Variants in DPYD observed in about 807,000 individuals in gnomAD.
The protein encoded by DPYD is dihydropyrimidine dehydrogenase.
In DPYD, 109 loss-of-function variants were observed where a neutral mutation model predicts 116.2. The observed-to-expected ratio is 0.94, with a 90% CI of 0.80 to 1.10. The LOEUF (loss-of-function observed/expected upper bound fraction) is 1.10. Among genes scored for constraint, DPYD ranks in the 50% least tolerant of loss-of-function variants. DPYD has a pLI of 0.00. For synonymous variants in DPYD, 440 were observed against 432.0 expected, an observed-to-expected ratio of 1.02 and a Z score of -0.23; for missense variants, 1,302 against 1,254.5, an observed-to-expected ratio of 1.04 and a Z score of -0.57.
chr1:97,658,689 T>A (rs1385087259), intron 8 of DPYD, among the ~76,000 whole-genome samples: 4 of 152,186 alleles, frequency 2.6e-5, no homozygotes, highest in African/African-American at 9.7e-5. Flanking sequence ...TCCAGTCTCA[T>A]CACTTTTAAA....
chr1:97,233,102 G>A (rs1318795488), intron 19 of DPYD, among the ~76,000 whole-genome samples: 1 of 152,142 alleles, frequency 6.6e-6, no homozygotes, highest in Non-Finnish European at 1.5e-5. Context: ...CCAGATAGAA[G>A]CCCAGGTATC....
chr1:97,442,048 C>T (rs187197073), intron 14 of DPYD, among the ~76,000 whole-genome samples: 2 of 152,118 alleles, frequency 1.3e-5, no homozygotes, highest in Non-Finnish European at 2.9e-5. Flanking sequence ...TAGTCCATGT[C>T]ATTCCTCCTT....
chr1:97,503,498 T>G (rs1453064159), intron 13 of DPYD, among the ~76,000 whole-genome samples: 1 of 152,004 alleles, frequency 6.6e-6, no homozygotes, highest in East Asian at 1.9e-4. Context: ...AGCAGGCCCC[T>G]TCCTGAGAGA....
rs139692633 is a variant in DPYD at position 97,155,333 on chromosome 1, C to G, written c.2622+37736G>C. On this transcript the variant is annotated intron_variant, in intron 20 of 22. Coordinates refer to ENST00000370192, the MANE Select transcript of DPYD (RefSeq NM_000110.4). ...ATCATCATTTACACTATTCATAGTT[C>G]TTTTCATCTATCAAATGTTATAACC... 7.9e-5 allele frequency among the ~76,000 whole-genome samples: 12 copies of G among 152,236 alleles called. No homozygotes were observed. The East Asian group carries it at 2.3e-3, about 29-fold the overall frequency.
intron 8 of DPYD, among the ~76,000 whole-genome samples, chr1:97,655,300 T>C (rs1238759403): frequency 6.6e-6 from 1 of 152,176 alleles, no homozygotes; most frequent in Non-Finnish European, 1.5e-5. Context: ...ATTTTTAAAA[T>C]TACTGCACAG....
chr1:97,477,438 T>C (rs1570799332), intron 13 of DPYD, among the ~76,000 whole-genome samples: 5 of 152,278 alleles, frequency 3.3e-5, no homozygotes, highest in Admixed American at 3.3e-4. Flanking sequence ...TGAACTTCAC[T>C]TGAACTCAGT....
At chr1:97,648,855 T>G (rs1041517403) in intron 8 of DPYD, among the ~76,000 whole-genome samples, 1 of 152,054 alleles carries the variant, frequency 6.6e-6, no homozygotes, top group Non-Finnish European at 1.5e-5. Context: ...TCTTAGAAAC[T>G]ATGTATAAGC....
chr1:97,282,299 T>TCA (rs1557996577), intron 18 of DPYD, among the ~76,000 whole-genome samples: 1 of 152,126 alleles, frequency 6.6e-6, no homozygotes, highest in East Asian at 1.9e-4. Flanking sequence ...GTTCTTTTTT[T>TCA]GATATATAAA....
intron 13 of DPYD, among the ~76,000 whole-genome samples, chr1:97,473,297 A>C (rs1034573976): frequency 6.6e-6 from 1 of 152,190 alleles, no homozygotes; most frequent in East Asian, 1.9e-4. Context: ...TGTTGCCCCA[A>C]ATGTCAGGAT....
At chr1:97,633,697 A>G (rs1657403623) in intron 8 of DPYD, among the ~76,000 whole-genome samples, 1 of 152,242 alleles carries the variant, frequency 6.6e-6, no homozygotes, top group East Asian at 1.9e-4. Context: ...TAATATTTAC[A>G]TGGATAGGAA....
At chr1:97,405,523 T>A (rs146934102) in intron 14 of DPYD, among the ~76,000 whole-genome samples, 5 of 152,146 alleles carry the variant, frequency 3.3e-5, no homozygotes, top group African/African-American at 1.2e-4. Context: ...TATTCTTTTG[T>A]TTGTTTTTTT....
chr1:97,762,933 G>A (rs1665655679), intron 3 of DPYD, among the ~76,000 whole-genome samples: 1 of 151,984 alleles, frequency 6.6e-6, no homozygotes, highest in African/African-American at 2.4e-5. Context: ...TTCTTAATCT[G>A]TATTAAGTGG....
chr1:97,594,789 C>T (rs1005628856), intron 9 of DPYD, among the ~76,000 whole-genome samples: 1 of 152,076 alleles, frequency 6.6e-6, no homozygotes, highest in African/African-American at 2.4e-5. Flanking sequence ...TAAGGACTTG[C>T]TTACCTTGAA....
At chr1:97,104,888 A>G (rs1318394796) in intron 20 of DPYD, among the ~76,000 whole-genome samples, 1 of 152,126 alleles carries the variant, frequency 6.6e-6, no homozygotes, top group African/African-American at 2.4e-5. Flanking sequence ...AGAAAGTCTA[A>G]CATTCATGGA....
At chr1:97,362,773 C>T (rs1355739466) in intron 16 of DPYD, among the ~76,000 whole-genome samples, 1 of 152,108 alleles carries the variant, frequency 6.6e-6, no homozygotes, top group African/African-American at 2.4e-5. Context: ...AAACTGGATC[C>T]CTTCCTTACA....
At chr1:97,320,183 T>C (rs74319318) in intron 16 of DPYD, among the ~76,000 whole-genome samples, 30,968 of 122,890 alleles carry the variant, frequency 0.25, 3,991 homozygotes, top group Non-Finnish European at 0.29. Context: ...AAGACAGGGA[T>C]GCCCTCTCTC....
At chr1:97,588,799 C>T (rs1007346553) in intron 10 of DPYD, among the ~76,000 whole-genome samples, 2 of 152,178 alleles carry the variant, frequency 1.3e-5, no homozygotes, top group African/African-American at 4.8e-5. Flanking sequence ...CACTTGGAAT[C>T]AGAATTACAT....
At chr1:97,361,812 T>C (rs1670741015) in intron 16 of DPYD, among the ~76,000 whole-genome samples, 1 of 152,126 alleles carries the variant, frequency 6.6e-6, no homozygotes, top group South Asian at 2.1e-4. Context: ...CTCAAAATAA[T>C]AAGAGCTATT....
chr1:97,716,441 A>T (rs563472991), intron 5 of DPYD, among the ~76,000 whole-genome samples: 1 of 152,088 alleles, frequency 6.6e-6, no homozygotes, highest in Non-Finnish European at 1.5e-5. Flanking sequence ...ATGTAAAAAA[A>T]ATAGAGCTCC....
Sources: allele counts gnomAD v4.1 joint callset (sites outside exome capture counted in the v4.1 genomes callset), GRCh38; gene constraint gnomAD v4.1.1; transcripts MANE v1.5; gene names NCBI Gene and HGNC (gene_info 2026-07-23, HGNC 2026-07-21).